Variants in LRRC4C observed in about 807,000 individuals in gnomAD.
LRRC4C encodes leucine rich repeat containing 4C.
In LRRC4C, 5 loss-of-function variants were observed where a neutral mutation model predicts 33.6. The ratio of observed to expected loss-of-function variants is 0.15; its 90% CI spans 0.08 to 0.31. The LOEUF (loss-of-function observed/expected upper bound fraction) is 0.31. Ranked by LOEUF, LRRC4C falls within the 10% of genes least tolerant of loss-of-function variation. LRRC4C has a pLI of 1.00. For missense variants in LRRC4C, 560 were observed against 796.7 expected (o/e 0.70, Z 3.58); for synonymous variants, 329 against 302.0 (o/e 1.09, Z -0.93).
intron 3 of LRRC4C, among the ~76,000 whole-genome samples, chr11:40,398,906 T>C (rs191052366): frequency 2.0e-5 from 3 of 152,140 alleles, no homozygotes; most frequent in African/African-American, 7.2e-5. Flanking sequence ...CGTACCTAAT[T>C]TCAATTTGTA....
At chr11:40,226,408 G>A (rs944302684) in intron 5 of LRRC4C, among the ~76,000 whole-genome samples, 1 of 152,192 alleles carries the variant, frequency 6.6e-6, no homozygotes, top group Non-Finnish European at 1.5e-5. Context: ...CTCGATCCCA[G>A]AATGCAGTTG....
chr11:40,353,181 T>G (rs755169260), intron 3 of LRRC4C, among the ~76,000 whole-genome samples: 3 of 152,138 alleles, frequency 2.0e-5, no homozygotes, highest in Non-Finnish European at 4.4e-5. Flanking sequence ...AGTCTTTCTC[T>G]CTACTTACTC....
At chr11:41,359,482 T>A (rs1374841965) in intron 1 of LRRC4C, among the ~76,000 whole-genome samples, 1 of 152,200 alleles carries the variant, frequency 6.6e-6, no homozygotes, top group Non-Finnish European at 1.5e-5. Context: ...TTCCTCTCAA[T>A]TTTTCTGTCA....
chr11:40,824,277 G>T (rs1315275668), intron 2 of LRRC4C, among the ~76,000 whole-genome samples: 2 of 151,658 alleles, frequency 1.3e-5, no homozygotes, highest in African/African-American at 2.4e-5. Context: ...TCTAATTTGT[G>T]AATTTTATTG....
At chr11:40,172,632 T>C (rs1860140769) in intron 5 of LRRC4C, among the ~76,000 whole-genome samples, 1 of 152,066 alleles carries the variant, frequency 6.6e-6, no homozygotes, top group Admixed American at 6.6e-5. Context: ...AAACTCCCTT[T>C]CCTTCAACTG....
intron 3 of LRRC4C, among the ~76,000 whole-genome samples, chr11:40,567,210 A>T (rs1295213468): frequency 6.6e-6 from 1 of 152,144 alleles, no homozygotes; most frequent in Non-Finnish European, 1.5e-5. Flanking sequence ...GATGTCAAAG[A>T]CTTGGAGTGA....
intron 1 of LRRC4C, among the ~76,000 whole-genome samples, chr11:41,113,410 T>C (rs1287925535): frequency 1.3e-5 from 2 of 152,106 alleles, no homozygotes; most frequent in African/African-American, 4.8e-5. Context: ...AAGCAGCATG[T>C]GTTCTGTCAT....
chr11:40,138,379 C>T (rs1232775385), intron 6 of LRRC4C, among the ~76,000 whole-genome samples: 1 of 152,070 alleles, frequency 6.6e-6, no homozygotes, highest in African/African-American at 2.4e-5. Context: ...CTATGTTGTC[C>T]AGGCTGAATG....
intron 3 of LRRC4C, among the ~76,000 whole-genome samples, chr11:40,447,883 C>A (rs888652068): frequency 6.6e-6 from 1 of 152,150 alleles, no homozygotes; most frequent in African/African-American, 2.4e-5. Flanking sequence ...ATGGTGTGAT[C>A]TTGGCTCACT....
intron 1 of LRRC4C, among the ~76,000 whole-genome samples, chr11:40,988,434 T>G (rs985070161): frequency 6.6e-6 from 1 of 152,154 alleles, no homozygotes; most frequent in African/African-American, 2.4e-5. Flanking sequence ...TGCTTCAGTC[T>G]GGAAAGTACT....
In LRRC4C at chr11:40,997,863, G is replaced by A. The variant is rs117963700; in HGVS notation, c.-495-64140C>T. Reference sequence around the variant, plus strand: ...ACTTGCAGTTATTCACCTTCAAGGAGCCTTTTTAAGGTTTCTCACATCCTT... The same window carrying A: ...ACTTGCAGTTATTCACCTTCAAGGAACCTTTTTAAGGTTTCTCACATCCTT... On this transcript the variant is annotated intron_variant, in intron 1 of 6. Transcript: ENST00000528697. Among the ~76,000 whole-genome samples the A allele has an allele frequency of 2.6e-4, 39 of 152,220 alleles. No homozygotes were observed. In the East Asian group the frequency reaches 6.2e-3, roughly 24 times the overall value.
chr11:41,157,959 C>T lies in LRRC4C; in HGVS notation c.-495-224236G>A, dbSNP rs558801694. Among the ~76,000 whole-genome samples the T allele has an allele frequency of 3.3e-5, 5 of 152,110 alleles. No homozygotes were observed. The South Asian group carries it at 1.0e-3, about 32-fold the overall frequency. On this transcript the variant is annotated intron_variant, in intron 1 of 6. Transcript: ENST00000528697. ...ATTAAATTATTATTGATTATATTCA[C>T]TCTGTTGTGCTACCAAATACTAGCT...
chr11:41,265,977 T>G (rs1328269161), intron 1 of LRRC4C, among the ~76,000 whole-genome samples: 1 of 152,182 alleles, frequency 6.6e-6, no homozygotes, highest in South Asian at 2.1e-4. Context: ...AATCAATCAC[T>G]TTGCTATTGC....
chr11:40,650,524 G>T (rs1426485697), intron 2 of LRRC4C, among the ~76,000 whole-genome samples: 2 of 152,092 alleles, frequency 1.3e-5, no homozygotes, highest in Admixed American at 6.5e-5. Context: ...CCAATGAAAT[G>T]CATTCCTATT....
intron 2 of LRRC4C, among the ~76,000 whole-genome samples, chr11:40,745,657 T>A (rs1044214809): frequency 1.3e-5 from 2 of 152,154 alleles, no homozygotes; most frequent in Non-Finnish European, 2.9e-5. Context: ...AATATTTTAC[T>A]AGGAAGATAA....
At chr11:40,885,858 A>G (rs1301292703) in intron 2 of LRRC4C, among the ~76,000 whole-genome samples, 4 of 152,120 alleles carry the variant, frequency 2.6e-5, no homozygotes, top group Non-Finnish European at 1.5e-5. Context: ...TTGATTTTCC[A>G]TCAACCTGAA....
chr11:41,034,332 T>C (rs1856902475), intron 1 of LRRC4C, among the ~76,000 whole-genome samples: 3 of 151,598 alleles, frequency 2.0e-5, no homozygotes, highest in Middle Eastern at 3.4e-3. Context: ...TCTTGGACTT[T>C]CTAGCCTCCA....
intron 1 of LRRC4C, among the ~76,000 whole-genome samples, chr11:41,375,108 T>C (rs1459367480): frequency 6.6e-6 from 1 of 152,064 alleles, no homozygotes; most frequent in Non-Finnish European, 1.5e-5. Flanking sequence ...GCCTGGGTGA[T>C]GGGAGTGAGA....
chr11:41,217,175 C>T lies in LRRC4C; in HGVS notation c.-496+242256G>A, dbSNP rs772474708. Among the ~76,000 whole-genome samples, 207 of 152,180 alleles carry T rather than the reference C, an allele frequency of 1.4e-3. 1 individual carries two copies. Among genetic ancestry groups the T allele is most frequent in the Non-Finnish European group, 1.6e-3 (109 of 68,004 alleles). On this transcript the variant is annotated intron_variant, in intron 1 of 6. Transcript: ENST00000528697. The stretch of plus-strand genomic sequence containing the variant: ...TATAATGAATGGACTATAACAACAC[C>T]GCGTAGTTCTTCAGACAGTGCCCAT...
Sources: gnomAD v4.1 joint callset for allele counts (sites outside exome capture counted in the v4.1 genomes callset) on GRCh38, gnomAD v4.1.1 for gene constraint, MANE v1.5 for transcripts, NCBI Gene and HGNC (gene_info 2026-07-23, HGNC 2026-07-21) for gene names.